PCDHGA12: variants seen among roughly 807,000 people sequenced by gnomAD.
PCDHGA12 encodes protocadherin gamma-A12.
PCDHGA12 carries 43 observed loss-of-function variants against 61.1 expected under a neutral mutation model. That is an observed-to-expected ratio of 0.70 (90% CI 0.55 to 0.91). The LOEUF is 0.91. Ranked by LOEUF, PCDHGA12 falls within the 40% of genes least tolerant of loss-of-function variation. PCDHGA12 has a pLI of 0.00. For missense variants in PCDHGA12, 1,236 were observed against 1,227.7 expected, an observed-to-expected ratio of 1.01 and a Z score of -0.10; for synonymous variants, 520 against 542.9, an observed-to-expected ratio of 0.96 and a Z score of 0.59.
At chr5:141,474,143 T>C (rs933805562) in intron 1 of PCDHGA12, among the ~76,000 whole-genome samples, 5 of 152,188 alleles carry the variant, frequency 3.3e-5, no homozygotes, top group Non-Finnish European at 5.9e-5. Flanking sequence ...CAGGCCTTAT[T>C]ATCAAGAAAA....
intron 1 of PCDHGA12, 88 bp from the exon 2 acceptor site, chr5:141,494,719 C>T: frequency 6.2e-7 from 1 of 1,605,960 alleles, no homozygotes; most frequent in Non-Finnish European, 8.5e-7. Flanking sequence ...CCACTCCCCT[C>T]CTTCTCTCCC....
intron 1 of PCDHGA12, among the ~76,000 whole-genome samples, chr5:141,482,257 T>C (rs2099555476): frequency 1.3e-5 from 2 of 152,156 alleles, no homozygotes; most frequent in Admixed American, 1.3e-4. Context: ...ACTGTACATA[T>C]TAGTTGTTTA....
chr5:141,441,623 C>T (rs530409184), intron 1 of PCDHGA12: 2 of 224,422 alleles, frequency 8.9e-6, no homozygotes, highest in Non-Finnish European at 1.8e-5. Flanking sequence ...TGGCCAGTGA[C>T]CTGGAGCCAC....
chr5:141,497,596 G>C (rs920597006), intron 2 of PCDHGA12, among the ~76,000 whole-genome samples: 1 of 149,648 alleles, frequency 6.7e-6, no homozygotes, highest in Admixed American at 6.7e-5. Context: ...CTGGAGTGCA[G>C]TGGTGCGATC....
At chr5:141,434,489 C>T (rs921000136) in intron 1 of PCDHGA12, among the ~76,000 whole-genome samples, 4 of 152,158 alleles carry the variant, frequency 2.6e-5, no homozygotes, top group Non-Finnish European at 4.4e-5. Flanking sequence ...ACACCTGGCC[C>T]GCCCAGGGCA....
In PCDHGA12 at chr5:141,472,994, A is replaced by G. The variant is rs188075835; in HGVS notation, c.2425-21813A>G. Among the ~76,000 whole-genome samples, 1,141 of 151,802 alleles carry G rather than the reference A, an allele frequency of 7.5e-3. 5 individuals carry two copies. The highest frequency in any genetic ancestry group is 0.017 in the Middle Eastern group (5 of 294). ...AGAGTGAAACTCAAAAAAAAAAAAA[A>G]AAAGAAAGAAAAAGAAAAAGAAAGA... On this transcript the variant is annotated intron_variant, in intron 1 of 3. Transcript: ENST00000252085.
intron 1 of PCDHGA12, among the ~76,000 whole-genome samples, chr5:141,447,724 A>T (rs2098549653): frequency 6.6e-6 from 1 of 152,126 alleles, no homozygotes. Flanking sequence ...ATTTTCCAAA[A>T]CTCATTGAAC....
Position 141,432,972 on chromosome 5 carries a change from C to T in PCDHGA12, c.2213C>T (p.Ser738Leu). 1 of 1,614,218 alleles carries T rather than the reference C, an allele frequency of 6.2e-7. No homozygotes were observed. Among genetic ancestry groups the T allele is most frequent in the African/African-American group, 1.3e-5 (1 of 75,058 alleles). ...SGGGLTGAPASHFVGVDGVQA... is the reference protein window; with the variant it reads ...SGGGLTGAPALHFVGVDGVQA... ...GGCGGCTTGACAGGAGCGCCGGCGT[C>T]GCACTTTGTGGGCGTGGACGGGGTG... Residue 738 changes from serine to leucine, a missense_variant, in exon 1 of 4, where the codon TCG (serine) becomes TTG (leucine). By Grantham distance (145) the Ser-to-Leu change is moderately radical. Coordinates refer to ENST00000252085, the MANE Select transcript of PCDHGA12 (RefSeq NM_003735.3). This position sits in a 1 kb window ranked among gnomAD's most constrained non-coding sequence, Gnocchi z 6.0.
chr5:141,508,026 T>A (rs972124070), intron 3 of PCDHGA12: 3 of 152,314 alleles, frequency 2.0e-5, no homozygotes, highest in African/African-American at 7.2e-5. Context: ...GGCTGCGGTT[T>A]GCAGCTCAGC....
At chr5:141,439,077 C>T (rs978045948) in intron 1 of PCDHGA12, among the ~76,000 whole-genome samples, 1 of 151,492 alleles carries the variant, frequency 6.6e-6, no homozygotes, top group Non-Finnish European at 1.5e-5. Flanking sequence ...CCTGTAATCC[C>T]AGCTACTCAG....
At chr5:141,497,703 C>T (rs995815060) in intron 2 of PCDHGA12, among the ~76,000 whole-genome samples, 16 of 152,134 alleles carry the variant, frequency 1.1e-4, no homozygotes, top group African/African-American at 3.9e-4. Context: ...CCACACCCAG[C>T]TCATTTTTGT....
chr5:141,478,302 C>T lies in PCDHGA12; in HGVS notation c.2425-16505C>T. On this transcript the variant is annotated intron_variant, in intron 1 of 3. Transcript: ENST00000252085. ...AAGCAGTCTAGAGACCTATACCGAG[C>T]CCCGGTGAGCTCACTGTACCGAACA... 4 of 1,614,070 alleles carry T rather than the reference C, an allele frequency of 2.5e-6. No individual in the cohort carries two copies. Among genetic ancestry groups the T allele is most frequent in the Non-Finnish European group, 3.4e-6 (4 of 1,180,038 alleles).
At chr5:141,475,866 C>T in intron 1 of PCDHGA12, 1 of 504,862 alleles carries the variant, frequency 2.0e-6, no homozygotes, top group South Asian at 2.9e-5. Context: ...GCTCATTCTT[C>T]GTGCAGTTAT....
At position 141,486,481 on chromosome 5, in the gene PCDHGA12, T is replaced by C. The variant is rs1562112794; in HGVS notation, c.2425-8326T>C. 1 of 1,614,036 alleles carries C rather than the reference T, an allele frequency of 6.2e-7. No individual in the cohort carries two copies. The highest frequency in any genetic ancestry group is 8.5e-7 in the Non-Finnish European group (1 of 1,179,976). Reference sequence around the variant, plus strand: ...CTGATGCTGGGAACCCTCCTCTCAGTACCCACAGAACTATTTTCCTCAATA... The same window carrying C: ...CTGATGCTGGGAACCCTCCTCTCAGCACCCACAGAACTATTTTCCTCAATA... On this transcript the variant is annotated intron_variant, in intron 1 of 3. Coordinates refer to ENST00000252085, the MANE Select transcript of PCDHGA12 (RefSeq NM_003735.3). This position sits in a 1 kb window ranked among gnomAD's most constrained non-coding sequence, Gnocchi z 5.0.
At chr5:141,496,412 T>C (rs1322376676) in intron 2 of PCDHGA12, among the ~76,000 whole-genome samples, 1 of 152,180 alleles carries the variant, frequency 6.6e-6, no homozygotes, top group African/African-American at 2.4e-5. Context: ...GGTTGAGTAC[T>C]TGCTGTCCAC....
intron 1 of PCDHGA12, among the ~76,000 whole-genome samples, chr5:141,488,510 G>A (rs910546464): frequency 1.3e-5 from 2 of 152,152 alleles, no homozygotes; most frequent in Non-Finnish European, 2.9e-5. Context: ...TCCACATTTG[G>A]GGTCTGGGGT....
intron 1 of PCDHGA12, among the ~76,000 whole-genome samples, chr5:141,474,922 C>G (rs748864870): frequency 3.9e-5 from 6 of 152,238 alleles, no homozygotes; most frequent in Non-Finnish European, 8.8e-5. Flanking sequence ...CATCTCATCT[C>G]TGGCTTATAT....
chr5:141,441,162 G>A (rs1009205566), intron 1 of PCDHGA12: 48 of 152,166 alleles, frequency 3.2e-4, no homozygotes, highest in Admixed American at 1.5e-3. Flanking sequence ...TCCTAGAGGC[G>A]ATTTTTACTT....
intron 2 of PCDHGA12, among the ~76,000 whole-genome samples, chr5:141,504,793 C>A (rs1256626821): frequency 9.9e-5 from 15 of 152,166 alleles, no homozygotes; most frequent in Admixed American, 3.9e-4. Context: ...GGGCCTCCTA[C>A]ATCTCCCCCT....
Sources: allele counts gnomAD v4.1 joint callset (sites outside exome capture counted in the v4.1 genomes callset), GRCh38; gene constraint gnomAD v4.1.1; non-coding constraint Gnocchi (gnomAD v3.1); transcripts MANE v1.5; gene names NCBI Gene and HGNC (gene_info 2026-07-23, HGNC 2026-07-21).